The following SLC9B1 variants were observed in gnomAD, a reference collection of about 807,000 sequenced individuals.
SLC9B1 encodes the protein solute carrier family 9 member B1.
A neutral mutation model predicts 51.7 loss-of-function variants in SLC9B1; 32 were observed. The ratio of observed to expected loss-of-function variants is 0.62; its 90% CI spans 0.47 to 0.83. The LOEUF (loss-of-function observed/expected upper bound fraction) is 0.83, where lower values mean the gene tolerates loss of function less well. SLC9B1 is among the 40% of genes least tolerant of loss of function. The probability of loss-of-function intolerance (pLI) is 0.00; values close to 1 mark genes in which losing one functional copy is unlikely to be tolerated. For missense variants in SLC9B1, 406 were observed against 613.2 expected (o/e 0.66, Z 3.57); for synonymous variants, 145 against 212.7 (o/e 0.68, Z 2.77).
At chr4:102,986,368 T>C (rs1739626111) in intron 3 of SLC9B1, among the ~76,000 whole-genome samples, 1 of 151,978 alleles carries the variant, frequency 6.6e-6, no homozygotes, top group South Asian at 2.1e-4. Flanking sequence ...CTTTTATGGG[T>C]AGTTTTACCT....
intron 7 of SLC9B1, among the ~76,000 whole-genome samples, chr4:102,931,160 A>G (rs1174433246): frequency 1.3e-5 from 2 of 151,528 alleles, no homozygotes; most frequent in African/African-American, 4.9e-5. Context: ...CGGGAGGCAG[A>G]GCATGCAGTG....
chr4:102,927,500 A>C (rs1174149022), intron 7 of SLC9B1, among the ~76,000 whole-genome samples: 1 of 152,252 alleles, frequency 6.6e-6, no homozygotes, highest in African/African-American at 2.4e-5. Context: ...GTCATCAGAG[A>C]AATGCAAATC....
chr4:102,898,289 A>C (rs1022218927), downstream of SLC9B1: 5 of 463,774 alleles, frequency 1.1e-5, no homozygotes, highest in Middle Eastern at 5.8e-4. Flanking sequence ...CTGAAGAAAA[A>C]ATCTCAATAT....
chr4:102,965,821 C>T (rs1406719582), intron 3 of SLC9B1, among the ~76,000 whole-genome samples: 2 of 151,602 alleles, frequency 1.3e-5, no homozygotes, highest in African/African-American at 4.9e-5. Context: ...TTCCAAGATA[C>T]AATGGTGGAA....
At chr4:102,968,063 G>A (rs571266867) in intron 3 of SLC9B1, among the ~76,000 whole-genome samples, 19 of 152,180 alleles carry the variant, frequency 1.2e-4, no homozygotes, top group Non-Finnish European at 2.4e-4. Context: ...TGCTAAGTAA[G>A]AATGAAGTTA....
intron 3 of SLC9B1, among the ~76,000 whole-genome samples, chr4:102,978,681 T>C (rs574412084): frequency 6.6e-6 from 1 of 152,202 alleles, no homozygotes; most frequent in African/African-American, 2.4e-5. Context: ...CTGGAGAGGA[T>C]GTGGAGAAAT....
At chr4:102,913,796 T>TAAAAAAAAAAAAAAAA (rs61244946) in intron 7 of SLC9B1, among the ~76,000 whole-genome samples, 1 of 71,452 alleles carries the variant, frequency 1.4e-5, no homozygotes, top group Admixed American at 1.5e-4. Flanking sequence ...AGATAGAAAC[T>TAAAAAAAAAAAAAAAA]AAAAAAAAAA....
intron 11 of SLC9B1, among the ~76,000 whole-genome samples, chr4:102,904,736 C>T (rs924707437): frequency 1.3e-5 from 2 of 151,890 alleles, no homozygotes; most frequent in Non-Finnish European, 2.9e-5. Context: ...GATCCCAGCA[C>T]TTTGGGAGGC....
At chr4:102,955,175 C>T (rs1052483356) in intron 3 of SLC9B1, among the ~76,000 whole-genome samples, 21 of 147,168 alleles carry the variant, frequency 1.4e-4, no homozygotes, top group African/African-American at 4.6e-4. Context: ...GGGGGTGGTT[C>T]CCCCCATACT....
intron 1 of SLC9B1, among the ~76,000 whole-genome samples, chr4:103,016,097 G>A (rs1404200000): frequency 1.6e-5 from 2 of 126,840 alleles, no homozygotes; most frequent in Non-Finnish European, 3.1e-5. Flanking sequence ...TTGCTCCATT[G>A]CACTGTAGCC....
At chr4:102,984,810 T>G (rs1431993826) in intron 3 of SLC9B1, among the ~76,000 whole-genome samples, 1 of 152,194 alleles carries the variant, frequency 6.6e-6, no homozygotes, top group East Asian at 1.9e-4. Context: ...ACTAGAAAAA[T>G]GAAAGTTATC....
chr4:102,993,956 T>C (rs1000261050), intron 1 of SLC9B1, among the ~76,000 whole-genome samples: 11 of 152,244 alleles, frequency 7.2e-5, no homozygotes, highest in Admixed American at 3.9e-4. Flanking sequence ...TAGAGCAGGG[T>C]GACCCTGGGC....
At position 102,946,562 on chromosome 4, in the gene SLC9B1, G is replaced by A. The variant is rs899909690; in HGVS notation, c.525+85C>T. On this transcript the variant is annotated intron_variant, in intron 5 of 11. Transcript: ENST00000296422. ...TGTTTACAGACTCTATTTGGAACAG[G>A]AAAATAAAATTTTTGCTTCTTTTTC... 8 of 1,460,354 alleles carry A rather than the reference G, an allele frequency of 5.5e-6. No individual in the cohort carries two copies. In the African/African-American group the frequency reaches 1.0e-4, roughly 18 times the overall value. The allele number at this position is 1,460,354 out of a possible 1,614,324, so 90.5% of individuals were successfully genotyped here.
At chr4:103,019,541 G>T in intron 1 of SLC9B1, 58 bp downstream of exon 1, 1 of 979,332 alleles carries the variant, frequency 1.0e-6, no homozygotes, top group Non-Finnish European at 1.2e-6. Context: ...GATCGCGGCA[G>T]ACCCGGGACT....
intron 1 of SLC9B1, among the ~76,000 whole-genome samples, chr4:103,008,099 T>G (rs1331973604): frequency 3.9e-5 from 6 of 152,218 alleles, no homozygotes; most frequent in Non-Finnish European, 2.9e-5. Flanking sequence ...TTCAATAAGC[T>G]TCTTAAAATC....
intron 3 of SLC9B1, among the ~76,000 whole-genome samples, chr4:102,961,621 A>C (rs6533043): frequency 0.98 from 149,313 of 152,262 alleles, 73,203 homozygotes; most frequent in East Asian, 1. Flanking sequence ...TTCTTTTTCC[A>C]TTTCCTCCTC....
intron 1 of SLC9B1, among the ~76,000 whole-genome samples, chr4:103,003,546 G>C (rs889975191): frequency 1.3e-5 from 2 of 152,032 alleles, no homozygotes; most frequent in Non-Finnish European, 1.5e-5. Flanking sequence ...CTCAATCTAG[G>C]GATGCTGCTG....
chr4:103,007,173 G>A (rs899567283), intron 1 of SLC9B1, among the ~76,000 whole-genome samples: 3 of 152,140 alleles, frequency 2.0e-5, no homozygotes, highest in Non-Finnish European at 4.4e-5. Flanking sequence ...TAGGAAGAGA[G>A]GAAGTCAAAC....
At chr4:102,939,753 T>C (rs1736898819) in intron 6 of SLC9B1, among the ~76,000 whole-genome samples, 1 of 152,180 alleles carries the variant, frequency 6.6e-6, no homozygotes, top group Non-Finnish European at 1.5e-5. Flanking sequence ...GTTCAAGATA[T>C]ACAAACCAAT....
Sources: allele counts gnomAD v4.1 joint callset (sites outside exome capture counted in the v4.1 genomes callset), GRCh38; gene constraint gnomAD v4.1.1; transcripts MANE v1.5; gene names NCBI Gene and HGNC (gene_info 2026-07-23, HGNC 2026-07-21).